The following CSMD1 variants were observed in gnomAD, a reference collection of about 807,000 sequenced individuals.
The protein encoded by CSMD1 is CUB and Sushi multiple domains 1.
CSMD1 carries 213 observed loss-of-function variants against 417.5 expected under a neutral mutation model. That is an observed-to-expected ratio of 0.51 (90% confidence interval 0.46 to 0.57). The LOEUF (loss-of-function observed/expected upper bound fraction) is 0.57. Ranked by LOEUF, CSMD1 falls within the 20% of genes least tolerant of loss-of-function variation. The pLI is 0.00. For missense variants in CSMD1, 6,923 were observed against 4,529.7 expected, an observed-to-expected ratio of 1.53 and a Z score of -15.17; for synonymous variants, 2,862 against 1,736.8, an observed-to-expected ratio of 1.65 and a Z score of -16.11.
At chr8:4,665,014 A>G (rs1804827774) in intron 1 of CSMD1, among the ~76,000 whole-genome samples, 1 of 152,194 alleles carries the variant, frequency 6.6e-6, no homozygotes, top group African/African-American at 2.4e-5. Flanking sequence ...TTTTATTATT[A>G]CCAAATATTT....
intron 62 of CSMD1, among the ~76,000 whole-genome samples, 197 bp from the exon 63 acceptor site, chr8:2,958,004 A>G (rs1803142875): frequency 6.6e-6 from 1 of 152,248 alleles, no homozygotes; most frequent in African/African-American, 2.4e-5. Context: ...CTCAATGAAT[A>G]ATGTAAGATC....
intron 1 of CSMD1, among the ~76,000 whole-genome samples, chr8:4,659,498 G>T (rs1447814881): frequency 6.6e-6 from 1 of 152,150 alleles, no homozygotes; most frequent in African/African-American, 2.4e-5. Flanking sequence ...CACCATGGAT[G>T]AACCTTGAAA....
chr8:4,909,850 C>G (rs1805545155), intron 1 of CSMD1, among the ~76,000 whole-genome samples: 1 of 152,174 alleles, frequency 6.6e-6, no homozygotes, highest in African/African-American at 2.4e-5. Context: ...AACCTCAGTT[C>G]TCTGATGGGT....
intron 41 of CSMD1, among the ~76,000 whole-genome samples, chr8:3,139,653 G>A (rs1040678057): frequency 6.6e-6 from 1 of 152,124 alleles, no homozygotes; most frequent in Admixed American, 6.5e-5. Context: ...AGAAGCTGGA[G>A]GAAGACAAGA....
chr8:4,625,244 C>T (rs1223015614), intron 2 of CSMD1, among the ~76,000 whole-genome samples: 1 of 152,042 alleles, frequency 6.6e-6, no homozygotes, highest in Non-Finnish European at 1.5e-5. Context: ...AAGCACAAGT[C>T]ACCTGCTTGG....
intron 3 of CSMD1, among the ~76,000 whole-genome samples, chr8:4,401,787 C>A (rs886592657): frequency 6.6e-6 from 1 of 152,180 alleles, no homozygotes; most frequent in Non-Finnish European, 1.5e-5. Context: ...CCCTGTCCAG[C>A]AGTGCTTCCT....
At chr8:4,080,119 C>T (rs551239403) in intron 3 of CSMD1, among the ~76,000 whole-genome samples, 3 of 151,776 alleles carry the variant, frequency 2.0e-5, no homozygotes, top group Admixed American at 1.3e-4. Context: ...TCCATGTATA[C>T]ACCCCCATAG....
chr8:3,839,025 T>A (rs1360803189), intron 5 of CSMD1, among the ~76,000 whole-genome samples: 1 of 128,220 alleles, frequency 7.8e-6, no homozygotes, highest in Non-Finnish European at 1.6e-5. Context: ...TATGTTGATA[T>A]TATATATATT....
intron 2 of CSMD1, among the ~76,000 whole-genome samples, chr8:4,564,927 C>T (rs562171047): frequency 1.4e-4 from 21 of 152,280 alleles, no homozygotes; most frequent in Non-Finnish European, 2.4e-4. Flanking sequence ...TAGTTAATAG[C>T]GGCTTTTCTA....
At chr8:4,048,677 T>C (rs937515486) in intron 3 of CSMD1, among the ~76,000 whole-genome samples, 6 of 152,186 alleles carry the variant, frequency 3.9e-5, no homozygotes, top group Admixed American at 6.5e-5. Flanking sequence ...GAAAGTGTGA[T>C]TGGATCAATG....
At chr8:4,478,813 T>C (rs188921621) in intron 2 of CSMD1, among the ~76,000 whole-genome samples, 4 of 152,220 alleles carry the variant, frequency 2.6e-5, no homozygotes, top group East Asian at 1.9e-4. Flanking sequence ...CTTTGGAGAA[T>C]AGTTTCAACA....
At chr8:4,349,338 A>T (rs1800954666) in intron 3 of CSMD1, among the ~76,000 whole-genome samples, 1 of 152,204 alleles carries the variant, frequency 6.6e-6, no homozygotes, top group African/African-American at 2.4e-5. Flanking sequence ...ATTGAGTATA[A>T]GATGTAGGTG....
At chr8:3,898,202 G>C (rs902253459) in intron 5 of CSMD1, among the ~76,000 whole-genome samples, 14 of 152,100 alleles carry the variant, frequency 9.2e-5, no homozygotes, top group East Asian at 3.9e-4. Context: ...AAGCTTATGA[G>C]TATGGAAAAT....
At chr8:4,828,076 A>G (rs1799937864) in intron 1 of CSMD1, among the ~76,000 whole-genome samples, 2 of 152,132 alleles carry the variant, frequency 1.3e-5, no homozygotes, top group Non-Finnish European at 2.9e-5. Flanking sequence ...CATGAGTCCA[A>G]TATTCTTCAG....
intron 20 of CSMD1, 24 bp downstream of exon 20, chr8:3,367,008 A>G: frequency 6.3e-7 from 1 of 1,576,150 alleles, no homozygotes; most frequent in South Asian, 1.1e-5. Context: ...CAGAGGAGAG[A>G]AACAGCAAAC....
chr8:3,485,558 G>GAGAGAC (rs1817980897), intron 11 of CSMD1, among the ~76,000 whole-genome samples: 6 of 150,950 alleles, frequency 4.0e-5, no homozygotes, highest in African/African-American at 1.5e-4. Flanking sequence ...GAGAGAGAGA[G>GAGAGAC]AGAGAGGGAG....
chr8:3,602,541 T>C (rs7815959), intron 8 of CSMD1, among the ~76,000 whole-genome samples: 49,437 of 152,016 alleles, frequency 0.33, 10,942 homozygotes, highest in African/African-American at 0.59. Context: ...CACAGGCTTC[T>C]TTTAGCCTCA....
At chr8:4,358,608 C>T (rs1416054515) in intron 3 of CSMD1, among the ~76,000 whole-genome samples, 1 of 152,144 alleles carries the variant, frequency 6.6e-6, no homozygotes, top group Non-Finnish European at 1.5e-5. Flanking sequence ...AAGTAATAGT[C>T]TAACAGGGTA....
chr8:4,636,876 T>A (rs1214584877), intron 2 of CSMD1, among the ~76,000 whole-genome samples: 4 of 152,018 alleles, frequency 2.6e-5, no homozygotes, highest in Admixed American at 1.3e-4. Context: ...AAGAGGATTG[T>A]AAAATGCACC....
Sources: allele counts gnomAD v4.1 joint callset (sites outside exome capture counted in the v4.1 genomes callset), GRCh38; gene constraint gnomAD v4.1.1; transcripts MANE v1.5; gene names NCBI Gene and HGNC (gene_info 2026-07-23, HGNC 2026-07-21).